LHFPL3: variants seen among roughly 807,000 people sequenced by gnomAD.
LHFPL3 encodes LHFPL tetraspan subfamily member 3.
Under a neutral mutation model 19.3 loss-of-function variants are expected in LHFPL3, and 5 were observed. The ratio of observed to expected loss-of-function variants is 0.26; its 90% CI spans 0.14 to 0.54. LHFPL3 has a LOEUF of 0.54. Among genes scored for constraint, LHFPL3 ranks in the 20% least tolerant of loss-of-function variants. The pLI is 0.94. For synonymous variants in LHFPL3, 133 were observed against 126.2 expected, an observed-to-expected ratio of 1.05 and a Z score of -0.36; for missense variants, 249 against 307.4, an observed-to-expected ratio of 0.81 and a Z score of 1.42.
chr7:104,649,960 T>G (rs1002736745), intron 1 of LHFPL3, among the ~76,000 whole-genome samples: 1 of 152,206 alleles, frequency 6.6e-6, no homozygotes, highest in African/African-American at 2.4e-5. Flanking sequence ...TCTGCCTTTT[T>G]GATAGATCCT....
chr7:104,525,968 C>T (rs1456524757), intron 1 of LHFPL3, among the ~76,000 whole-genome samples: 1 of 152,070 alleles, frequency 6.6e-6, no homozygotes, highest in Non-Finnish European at 1.5e-5. Context: ...GCACACTCTC[C>T]CAACTGAATG....
At position 104,624,883 on chromosome 7, in the gene LHFPL3, A is replaced by T. The variant is rs140778326; in HGVS notation, c.446-111792A>T. Among the ~76,000 whole-genome samples, 786 of 152,346 alleles carry T rather than the reference A, an allele frequency of 5.2e-3. 4 individuals are homozygous for T. The highest frequency in any genetic ancestry group is 0.027 in the Middle Eastern group (8 of 294). ...TCTCCAGAGAATTTATTAAAGAGCAAAAGGAGAATAAATCTGAGTCCAGGT... is the reference window on the plus strand; with the variant it reads ...TCTCCAGAGAATTTATTAAAGAGCATAAGGAGAATAAATCTGAGTCCAGGT... On this transcript the variant is annotated intron_variant, in intron 1 of 2. Coordinates refer to ENST00000424859, the MANE Select transcript of LHFPL3 (RefSeq NM_199000.3).
intron 2 of LHFPL3, among the ~76,000 whole-genome samples, chr7:104,805,963 G>A (rs550126097): frequency 6.6e-6 from 1 of 152,306 alleles, no homozygotes; most frequent in South Asian, 2.1e-4. Flanking sequence ...ACATTGCACT[G>A]TAAACCATGA....
intron 1 of LHFPL3, among the ~76,000 whole-genome samples, chr7:104,472,303 G>A (rs1488967838): frequency 6.6e-6 from 1 of 152,044 alleles, no homozygotes; most frequent in Non-Finnish European, 1.5e-5. Flanking sequence ...ATTGATAGGT[G>A]GAGAGAAGCT....
At chr7:104,344,114 GA>G (rs1790017770) in intron 1 of LHFPL3, among the ~76,000 whole-genome samples, 1 of 151,946 alleles carries the variant, frequency 6.6e-6, no homozygotes, top group Non-Finnish European at 1.5e-5. Flanking sequence ...CTATTGAAAT[GA>G]TCAAATTACT....
intron 1 of LHFPL3, among the ~76,000 whole-genome samples, chr7:104,670,797 T>G (rs1211575592): frequency 6.6e-6 from 1 of 152,136 alleles, no homozygotes; most frequent in Non-Finnish European, 1.5e-5. Flanking sequence ...CCAAGTTTCC[T>G]TCTCCACTGA....
intron 1 of LHFPL3, among the ~76,000 whole-genome samples, chr7:104,384,633 A>C (rs1275922464): frequency 6.6e-6 from 1 of 151,938 alleles, no homozygotes; most frequent in Non-Finnish European, 1.5e-5. Context: ...TTAAAAAAAA[A>C]CAAATTAGCC....
intron 1 of LHFPL3, among the ~76,000 whole-genome samples, chr7:104,518,741 A>G (rs921278223): frequency 2.0e-5 from 3 of 152,076 alleles, no homozygotes; most frequent in African/African-American, 7.2e-5. Flanking sequence ...CTGAGATTAC[A>G]CCACTGCACT....
At chr7:104,807,011 ATGTGTGTGTGTGTGTG>A (rs10665231) in intron 2 of LHFPL3, among the ~76,000 whole-genome samples, 12,607 of 139,768 alleles carry the variant, frequency 0.09, 734 homozygotes, top group Non-Finnish European at 0.14. Context: ...CAAAATATAT[ATGTGTGTGTGTGTGTG>A]TGTGTGTGTG....
At chr7:104,479,849 C>A (rs145057564) in intron 1 of LHFPL3, among the ~76,000 whole-genome samples, 1 of 152,336 alleles carries the variant, frequency 6.6e-6, no homozygotes, top group East Asian at 1.9e-4. Context: ...GCGTACCACA[C>A]ACATATTAAT....
At chr7:104,677,580 G>A (rs1326846895) in intron 1 of LHFPL3, among the ~76,000 whole-genome samples, 1 of 152,126 alleles carries the variant, frequency 6.6e-6, no homozygotes, top group Non-Finnish European at 1.5e-5. Context: ...TTGGCATGTG[G>A]AGCAATTACA....
rs1801518709 is a variant in LHFPL3, at chr7:104,329,018, T to C, written c.239T>C (p.Ile80Thr). ...TATTTCGGGCTCTTCCACTACTGCA[T>C]CGGCAACGGCTTCTCCCGGGAGCTG... is the stretch of plus-strand genomic sequence containing the variant. ...AGYFGLFHYC[I>T]GNGFSRELTC... Residue 80 changes from isoleucine to threonine, a missense_variant, in exon 1 of 3, where the codon ATC (isoleucine) becomes ACC (threonine). Coordinates refer to ENST00000424859, the MANE Select transcript of LHFPL3 (RefSeq NM_199000.3). 6.2e-7 allele frequency: 1 copy of C among 1,613,952 alleles called. No individual in the cohort carries two copies. The highest frequency in any genetic ancestry group is 1.3e-5 in the African/African-American group (1 of 74,942).
rs185836118 is a variant in LHFPL3 at position 104,479,580 on chromosome 7, C to T, written c.445+150356C>T. Among the ~76,000 whole-genome samples the T allele has an allele frequency of 1.7e-4, 26 of 152,186 alleles. No homozygotes were observed. In the East Asian group the frequency reaches 1.7e-3, roughly 10 times the overall value. The stretch of plus-strand genomic sequence containing the variant: ...CTAATTTTTGTATTTTTAGTAGAGA[C>T]GGCGTTTCACCATGTTGGCCAGGCT... On this transcript the variant is annotated intron_variant, in intron 1 of 2. Coordinates refer to ENST00000424859, the MANE Select transcript of LHFPL3 (RefSeq NM_199000.3).
In LHFPL3 at chr7:104,328,961, T is replaced by C; in HGVS notation, c.182T>C (p.Ile61Thr). 1.2e-6 allele frequency: 2 copies of C among 1,614,188 alleles called. No homozygotes were observed. Among genetic ancestry groups the C allele is most frequent in the Non-Finnish European group, 1.7e-6 (2 of 1,180,024 alleles). ...GTGTGCTTCATCCAGCCCTACTGGA[T>C]AGGCGACGGCGTGGACACCCCGCAA... ...NVVCFIQPYW[I>T]GDGVDTPQAG... Residue 61 changes from isoleucine (I) to threonine (T), a missense_variant, in exon 1 of 3, where the codon ATA (isoleucine) becomes ACA (threonine). Transcript: ENST00000424859. This position sits in a 1 kb window ranked among gnomAD's most constrained non-coding sequence, Gnocchi z 4.6.
At chr7:104,388,485 A>C (rs1396471574) in intron 1 of LHFPL3, among the ~76,000 whole-genome samples, 1 of 152,154 alleles carries the variant, frequency 6.6e-6, no homozygotes, top group East Asian at 1.9e-4. Flanking sequence ...AAAGAAGGTC[A>C]AACCAATCTT....
At chr7:104,506,504 C>CTG (rs1292456322) in intron 1 of LHFPL3, among the ~76,000 whole-genome samples, 2 of 152,188 alleles carry the variant, frequency 1.3e-5, no homozygotes, top group Non-Finnish European at 2.9e-5. Flanking sequence ...AGTCCTGAGG[C>CTG]TGTGTTATAC....
chr7:104,526,731 G>A (rs1794194781), intron 1 of LHFPL3, among the ~76,000 whole-genome samples: 1 of 152,172 alleles, frequency 6.6e-6, no homozygotes, highest in Admixed American at 6.5e-5. Flanking sequence ...TGAAATTCTA[G>A]AAATGAGTTT....
At chr7:104,893,018 C>G (rs1792283039) in intron 2 of LHFPL3, among the ~76,000 whole-genome samples, 1 of 151,714 alleles carries the variant, frequency 6.6e-6, no homozygotes, top group South Asian at 2.1e-4. Flanking sequence ...CCAGCCTGGA[C>G]AACATAGCGA....
At chr7:104,477,217 C>T (rs1344129024) in intron 1 of LHFPL3, among the ~76,000 whole-genome samples, 4 of 152,128 alleles carry the variant, frequency 2.6e-5, no homozygotes, top group Admixed American at 2.6e-4. Flanking sequence ...TCTTGAACTC[C>T]TGGGCTCAAG....
Sources: allele counts gnomAD v4.1 joint callset (sites outside exome capture counted in the v4.1 genomes callset), GRCh38; gene constraint gnomAD v4.1.1; non-coding constraint Gnocchi (gnomAD v3.1); transcripts MANE v1.5; gene names NCBI Gene and HGNC (gene_info 2026-07-23, HGNC 2026-07-21).